Variants in U2SURP observed in about 807,000 individuals in gnomAD.
U2SURP encodes U2 snRNP associated SURP domain containing, also known as U2 snRNP-associated SURP motif-containing protein.
A neutral mutation model predicts 144.9 loss-of-function variants in U2SURP; 9 were observed. The observed-to-expected ratio is 0.06, with a 90% CI of 0.04 to 0.11. The LOEUF (loss-of-function observed/expected upper bound fraction) is 0.11. U2SURP is among the 10% of genes least tolerant of loss of function. U2SURP has a pLI of 1.00. For missense variants in U2SURP, 724 were observed against 1,226.7 expected, an observed-to-expected ratio of 0.59 and a Z score of 6.12; for synonymous variants, 408 against 396.8, an observed-to-expected ratio of 1.03 and a Z score of -0.33.
chr3:143,034,730 G>T (rs1933716001), intron 18 of U2SURP, 158 bp from the exon 19 acceptor site: 1 of 563,388 alleles, frequency 1.8e-6, no homozygotes, highest in Middle Eastern at 4.8e-4. Flanking sequence ...AAGCAATTCA[G>T]TTACGGTTTT....
chr3:143,026,496 C>G (rs1347742284), intron 13 of U2SURP: 1 of 152,084 alleles, frequency 6.6e-6, no homozygotes, highest in Non-Finnish European at 1.5e-5. Flanking sequence ...GCAGAATTAT[C>G]TATTTCATGA....
chr3:143,010,226 A>G (rs1936053260), intron 1 of U2SURP, among the ~76,000 whole-genome samples: 1 of 152,236 alleles, frequency 6.6e-6, no homozygotes, highest in Non-Finnish European at 1.5e-5. Context: ...ACTGGAAGAT[A>G]TTATATGAAC....
At chr3:143,032,730 A>G in intron 16 of U2SURP, 54 bp from the exon 17 acceptor site, 6 of 1,483,874 alleles carry the variant, frequency 4.0e-6, no homozygotes, top group Non-Finnish European at 5.5e-6. Flanking sequence ...AAAAGCTACA[A>G]TGGCATTTGA....
At chr3:143,035,024 G>A in intron 19 of U2SURP, 49 bp downstream of exon 19, 1 of 293,894 alleles carries the variant, frequency 3.4e-6, no homozygotes, top group Non-Finnish European at 7.2e-6. Context: ...AAATGGGTGG[G>A]GGGAGGGCAT....
rs774805802 is a variant in U2SURP at position 143,053,802 on chromosome 3, A to G, written c.2774+8A>G. On this transcript the variant is annotated splice_region_variant and intron_variant, in intron 26 of 27. Coordinates refer to ENST00000473835, the MANE Select transcript of U2SURP (RefSeq NM_001080415.2). ...TCCGACAAGGAAGGAAAGGTATAAC[A>G]TTTCTCATATTTAATTGCATATACT... 5 of 1,568,502 alleles carry G rather than the reference A, an allele frequency of 3.2e-6. No homozygotes were observed. Among genetic ancestry groups the G allele is most frequent in the East Asian group, 2.2e-5 (1 of 44,578 alleles).
At position 143,019,995 on chromosome 3, in the gene U2SURP, G is replaced by GA; in HGVS notation, c.604dup (p.Ser202LysfsTer18). On this transcript the variant is annotated frameshift_variant, in exon 7 of 28. Transcript: ENST00000473835. LOFTEE classifies it high-confidence loss of function. Reference sequence around the variant, plus strand: ...CACTTAAAAAAGGAGAGAAAGAAAAGAAAAAAAGCAATTTGGAACTCTTCA... The same window carrying GA: ...CACTTAAAAAAGGAGAGAAAGAAAAGAAAAAAAAGCAATTTGGAACTCTTCA... 1 of 1,520,110 alleles carries GA rather than the reference G, an allele frequency of 6.6e-7. No individual in the cohort carries two copies. Among genetic ancestry groups the GA allele is most frequent in the Non-Finnish European group, 8.9e-7 (1 of 1,127,658 alleles). The allele number at this position is 1,520,110 out of a possible 1,614,324, so 94.2% of individuals were successfully genotyped here. A position where few individuals can be genotyped will look rare whatever the true frequency, so the allele number is the denominator to read the frequency against.
chr3:143,040,355 G>A (rs1934040356), intron 23 of U2SURP, among the ~76,000 whole-genome samples: 1 of 151,708 alleles, frequency 6.6e-6, no homozygotes, highest in Non-Finnish European at 1.5e-5. Flanking sequence ...GGAATTTCAG[G>A]TAAATCATGA....
intron 5 of U2SURP, among the ~76,000 whole-genome samples, chr3:143,016,579 CAG>C (rs1219322029): frequency 1.3e-5 from 2 of 152,084 alleles, no homozygotes; most frequent in Non-Finnish European, 2.9e-5. Context: ...ATGCTGAAGA[CAG>C]ATAGCTTTTA....
chr3:143,019,997 A>G lies in U2SURP; in HGVS notation c.599A>G (p.Lys200Arg), dbSNP rs374916152. 9.2e-6 allele frequency: 14 copies of G among 1,523,778 alleles called. No homozygotes were observed. The highest frequency in any genetic ancestry group is 1.2e-5 in the Non-Finnish European group (14 of 1,129,420). The allele number at this position is 1,523,778 out of a possible 1,614,324, so 94.4% of individuals were successfully genotyped here. The change falls in exon 7 of 28, where the codon AAA (lysine) becomes AGA (arginine). Residue 200 changes from lysine to arginine, a missense_variant. Around this residue, in one of 13 missense-constraint regions of U2SURP, gnomAD observed 115 missense variants for 258.1 expected, o/e 0.45. Coordinates refer to ENST00000473835, the MANE Select transcript of U2SURP (RefSeq NM_001080415.2). The stretch of plus-strand genomic sequence containing the variant: ...CTTAAAAAAGGAGAGAAAGAAAAGA[A>G]AAAAAGCAATTTGGAACTCTTCAAA... ...PPLKKGEKEK[K>R]KSNLELFKEE...
At chr3:143,052,057 T>C (rs890280010) in intron 25 of U2SURP, among the ~76,000 whole-genome samples, 32 of 152,132 alleles carry the variant, frequency 2.1e-4, no homozygotes, top group South Asian at 6.2e-4. Flanking sequence ...TTGCCCTCTA[T>C]ATATTTGGAA....
intron 24 of U2SURP, among the ~76,000 whole-genome samples, chr3:143,044,040 A>T (rs1014163936): frequency 1.3e-5 from 2 of 152,126 alleles, no homozygotes; most frequent in African/African-American, 4.8e-5. Context: ...GGTGTCAGCC[A>T]CCACACCCGG....
chr3:143,046,297 A>AG (rs1553846075), intron 24 of U2SURP, among the ~76,000 whole-genome samples: 3 of 106,428 alleles, frequency 2.8e-5, no homozygotes, highest in African/African-American at 1.0e-4. Context: ...TTTATTTTTT[A>AG]TTTTTTTTTA....
chr3:143,002,696 G>T (rs1387548298), intron 1 of U2SURP, among the ~76,000 whole-genome samples: 1 of 152,124 alleles, frequency 6.6e-6, no homozygotes, highest in Non-Finnish European at 1.5e-5. Context: ...AGAAGCTTGC[G>T]TTTACAGTTC....
intron 24 of U2SURP, among the ~76,000 whole-genome samples, chr3:143,050,260 A>T (rs541908416): frequency 9.2e-4 from 140 of 152,104 alleles, no homozygotes; most frequent in African/African-American, 3.3e-3. Flanking sequence ...TTTAGTAGAG[A>T]TGGGGTTTCT....
rs750208723 is a variant in U2SURP at position 143,034,947 on chromosome 3, A to G, written c.1913A>G (p.Gln638Arg). ...SDLNATYRTIQGHLQSENFKQ... is the reference protein window; with the variant it reads ...SDLNATYRTIRGHLQSENFKQ... ...CTCAATGCCACCTATCGTACAATTC[A>G]AGGCCATTTACAATCTGAAAACTTT... The change falls in exon 19 of 28, where the codon CAA (glutamine) becomes CGA (arginine). Residue 638 changes from glutamine (Q) to arginine (R), a missense_variant. Transcript: ENST00000473835. 1.3e-6 allele frequency: 2 copies of G among 1,585,320 alleles called. No individual in the cohort carries two copies. Among genetic ancestry groups the G allele is most frequent in the East Asian group, 2.3e-5 (1 of 43,480 alleles).
At chr3:143,018,580 G>C (rs1051177997) in intron 6 of U2SURP, among the ~76,000 whole-genome samples, 2 of 151,808 alleles carry the variant, frequency 1.3e-5, no homozygotes, top group Non-Finnish European at 2.9e-5. Flanking sequence ...TACACACACC[G>C]AGAAGTGGAA....
At chr3:143,030,512 G>A (rs2108292460) in intron 16 of U2SURP, among the ~76,000 whole-genome samples, 1 of 152,256 alleles carries the variant, frequency 6.6e-6, no homozygotes, top group South Asian at 2.1e-4. Flanking sequence ...CATTGACAAT[G>A]TACCTGATCA....
At chr3:143,044,449 C>T (rs1465379486) in intron 24 of U2SURP, among the ~76,000 whole-genome samples, 2 of 151,740 alleles carry the variant, frequency 1.3e-5, no homozygotes, top group African/African-American at 4.9e-5. Context: ...CCACCAAGCC[C>T]GACTAATTTT....
intron 6 of U2SURP, 23 bp from the exon 7 acceptor site, chr3:143,019,946 A>G: frequency 7.1e-7 from 1 of 1,401,156 alleles, no homozygotes; most frequent in South Asian, 1.5e-5. Flanking sequence ...TGTTTGAAGT[A>G]TAACTTGTCA....
Sources: allele counts gnomAD v4.1 joint callset (sites outside exome capture counted in the v4.1 genomes callset), GRCh38; gene constraint gnomAD v4.1.1; regional missense constraint gnomAD v4.1.1; transcripts MANE v1.5; gene names NCBI Gene and HGNC (gene_info 2026-07-23, HGNC 2026-07-21).